Variants in ADAM32 observed in about 807,000 individuals in gnomAD.
ADAM32 encodes the protein ADAM metallopeptidase domain 32.
A neutral mutation model predicts 114.9 loss-of-function variants in ADAM32; 89 were observed. That is an observed-to-expected ratio of 0.77 (90% CI 0.65 to 0.92). The LOEUF (loss-of-function observed/expected upper bound fraction) is 0.92. ADAM32 is among the 40% of genes least tolerant of loss of function. The pLI, the probability that ADAM32 is intolerant of heterozygous loss-of-function variation, is 0.00. For synonymous variants in ADAM32, 285 were observed against 307.5 expected, an observed-to-expected ratio of 0.93 and a Z score of 0.77; for missense variants, 870 against 932.8, an observed-to-expected ratio of 0.93 and a Z score of 0.88.
At position 39,284,466 on chromosome 8, in the gene ADAM32, T is replaced by A. The variant is rs937685550; in HGVS notation, c.2358-327T>A. 3.2e-4 allele frequency among the ~76,000 whole-genome samples: 49 copies of A among 152,166 alleles called. 1 individual carries two copies. Among genetic ancestry groups the A allele is most frequent in the Non-Finnish European group, 1.3e-4 (9 of 68,010 alleles). On this transcript the variant is annotated intron_variant, in intron 24 of 24. Coordinates refer to ENST00000379907, the MANE Select transcript of ADAM32 (RefSeq NM_145004.7). The stretch of plus-strand genomic sequence containing the variant: ...AGGTATGAAAAAAGGAAAATTAATG[T>A]GAACTTAAATTTCTAAAACATGTAA...
intron 11 of ADAM32, among the ~76,000 whole-genome samples, chr8:39,203,289 G>C (rs1166559287): frequency 6.6e-6 from 1 of 152,080 alleles, no homozygotes; most frequent in Non-Finnish European, 1.5e-5. Flanking sequence ...AGGTCTCTAA[G>C]GACTTGCTTT....
intron 20 of ADAM32, among the ~76,000 whole-genome samples, chr8:39,273,816 A>G (rs1272230401): frequency 6.6e-6 from 1 of 150,972 alleles, no homozygotes; most frequent in Non-Finnish European, 1.5e-5. Flanking sequence ...TTTTTTTTTC[A>G]GCACTCCTCT....
At chr8:39,159,574 T>C (rs1342846742) in intron 6 of ADAM32, among the ~76,000 whole-genome samples, 1 of 152,236 alleles carries the variant, frequency 6.6e-6, no homozygotes. Flanking sequence ...CCTCAGCCTC[T>C]TTCTTCCTAG....
At chr8:39,150,936 A>AAGCCAGAGAG in intron 5 of ADAM32, among the ~76,000 whole-genome samples, 1 of 56,016 alleles carries the variant, frequency 1.8e-5, no homozygotes, top group Admixed American at 2.9e-4. Flanking sequence ...AAAGCATGGC[A>AAGCCAGAGAG]TATTTCATAA....
chr8:39,145,601 G>A (rs1803457699), intron 3 of ADAM32, among the ~76,000 whole-genome samples: 1 of 152,190 alleles, frequency 6.6e-6, no homozygotes, highest in South Asian at 2.1e-4. Context: ...GGAGAACCAG[G>A]AGGAAGTGGT....
chr8:39,159,082 T>A (rs1256526453), intron 6 of ADAM32, among the ~76,000 whole-genome samples: 2 of 152,198 alleles, frequency 1.3e-5, no homozygotes. Flanking sequence ...TACTTTCTTG[T>A]TGTTGTTGAA....
chr8:39,138,123 C>T (rs1460576883), intron 3 of ADAM32, among the ~76,000 whole-genome samples: 1 of 152,140 alleles, frequency 6.6e-6, no homozygotes, highest in Non-Finnish European at 1.5e-5. Flanking sequence ...AGAAGCAGAA[C>T]TATGACTACA....
intron 3 of ADAM32, among the ~76,000 whole-genome samples, chr8:39,140,581 C>T (rs1230842068): frequency 1.3e-5 from 2 of 152,098 alleles, no homozygotes; most frequent in Non-Finnish European, 1.5e-5. Context: ...ATTTTCGCAT[C>T]GATGTTCATC....
upstream of ADAM32, chr8:39,107,672 C>A: frequency 6.5e-7 from 1 of 1,536,618 alleles, no homozygotes; most frequent in Non-Finnish European, 8.8e-7. Flanking sequence ...AGAACGCTGT[C>A]CCATGAACGT....
At chr8:39,158,525 G>T in intron 6 of ADAM32, 2 of 327,044 alleles carry the variant, frequency 6.1e-6, no homozygotes, top group Non-Finnish European at 5.9e-6. Flanking sequence ...TAGCCGGCCA[G>T]CTTCCCACAC....
At chr8:39,195,754 C>T (rs1195400348) in intron 11 of ADAM32, among the ~76,000 whole-genome samples, 1 of 152,160 alleles carries the variant, frequency 6.6e-6, no homozygotes, top group African/African-American at 2.4e-5. Context: ...TGTTTCATTG[C>T]TCTGTTTGTC....
At chr8:39,231,721 T>C (rs1809747221) in intron 14 of ADAM32, among the ~76,000 whole-genome samples, 1 of 152,190 alleles carries the variant, frequency 6.6e-6, no homozygotes, top group Admixed American at 6.5e-5. Flanking sequence ...AAGAATGGTA[T>C]AGTTTTCTTG....
intron 6 of ADAM32, among the ~76,000 whole-genome samples, chr8:39,160,054 C>A (rs1451046392): frequency 1.3e-5 from 2 of 152,062 alleles, no homozygotes; most frequent in East Asian, 1.9e-4. Flanking sequence ...GGCAGTCTGG[C>A]CAGATGTGTA....
chr8:39,187,110 T>C, intron 11 of ADAM32, 65 bp downstream of exon 11: 4 of 1,455,582 alleles, frequency 2.7e-6, no homozygotes, highest in Non-Finnish European at 2.8e-6. Context: ...AGTGTGAAAA[T>C]TTAGTATTTA....
chr8:39,156,453 A>G (rs2129445781), intron 6 of ADAM32, among the ~76,000 whole-genome samples: 1 of 152,302 alleles, frequency 6.6e-6, no homozygotes, highest in South Asian at 2.1e-4. Flanking sequence ...CTATAATAAT[A>G]TCTTCTATAG....
intron 12 of ADAM32, among the ~76,000 whole-genome samples, chr8:39,213,708 G>A (rs1808377398): frequency 6.6e-6 from 1 of 152,000 alleles, no homozygotes; most frequent in Non-Finnish European, 1.5e-5. Flanking sequence ...ATTTAAAAAT[G>A]TACAACTAGA....
chr8:39,267,511 C>G (rs181108205), intron 19 of ADAM32, among the ~76,000 whole-genome samples: 1 of 152,046 alleles, frequency 6.6e-6, no homozygotes, highest in East Asian at 1.9e-4. Flanking sequence ...TGGGTTATTT[C>G]CAGTTTATAG....
intron 16 of ADAM32, among the ~76,000 whole-genome samples, chr8:39,240,435 G>A (rs1412458885): frequency 6.6e-6 from 1 of 152,170 alleles, no homozygotes; most frequent in Non-Finnish European, 1.5e-5. Flanking sequence ...CGTGCTAAAA[G>A]GAAAGTTTAT....
At chr8:39,283,776 T>C (rs550726369) in intron 24 of ADAM32, among the ~76,000 whole-genome samples, 152 bp downstream of exon 24, 23 of 149,016 alleles carry the variant, frequency 1.5e-4, no homozygotes, top group African/African-American at 5.4e-4. Flanking sequence ...TTATTCTTTT[T>C]TTTTTTTTTT....
Sources: allele counts gnomAD v4.1 joint callset (sites outside exome capture counted in the v4.1 genomes callset), GRCh38; gene constraint gnomAD v4.1.1; transcripts MANE v1.5; gene names NCBI Gene and HGNC (gene_info 2026-07-23, HGNC 2026-07-21).